The following EBF1 variants were observed in gnomAD, a reference collection of about 807,000 sequenced individuals.
The protein encoded by EBF1 is transcription factor COE1.
EBF1 carries 10 observed loss-of-function variants against 68.4 expected under a neutral mutation model. The observed-to-expected ratio is 0.15, with a 90% CI of 0.09 to 0.25. EBF1 has a LOEUF of 0.25. Among genes scored for constraint, EBF1 ranks in the 10% least tolerant of loss-of-function variants. The pLI is 1.00. For missense variants in EBF1, 509 were observed against 794.4 expected (o/e 0.64, Z 4.32); for synonymous variants, 298 against 299.8 (o/e 0.99, Z 0.06).
chr5:159,013,133 TA>T (rs1362860808), intron 6 of EBF1, among the ~76,000 whole-genome samples: 2 of 152,240 alleles, frequency 1.3e-5, no homozygotes, highest in Non-Finnish European at 2.9e-5. Flanking sequence ...TGCTAAGCTT[TA>T]AATATATATT....
At position 158,997,462 on chromosome 5, in the gene EBF1, G is replaced by A. The variant is rs146302724; in HGVS notation, c.554+75934C>T. On this transcript the variant is annotated intron_variant, in intron 6 of 15. Coordinates refer to ENST00000313708, the MANE Select transcript of EBF1 (RefSeq NM_024007.5). ...ACATACATAGAGTTGTTTATCCTCC[G>A]TCTACTCCTCAATTCCCCAAAATCC... Among the ~76,000 whole-genome samples, 840 of 152,162 alleles carry A rather than the reference G, an allele frequency of 5.5e-3. 4 individuals carry two copies. The highest frequency in any genetic ancestry group is 8.0e-3 in the Non-Finnish European group (544 of 68,002).
chr5:158,717,559 C>T (rs1050768300), intron 11 of EBF1, among the ~76,000 whole-genome samples: 24 of 152,050 alleles, frequency 1.6e-4, no homozygotes, highest in African/African-American at 3.6e-4. Context: ...ATGTTTAAAA[C>T]GTCTCCCTGC....
At chr5:158,816,997 C>T (rs1464573566) in intron 8 of EBF1, among the ~76,000 whole-genome samples, 1 of 152,132 alleles carries the variant, frequency 6.6e-6, no homozygotes, top group Non-Finnish European at 1.5e-5. Flanking sequence ...ATCTGAGGAG[C>T]CCATGTAATT....
chr5:158,737,266 A>ATTTTTGTTT (rs1765389349), intron 10 of EBF1, among the ~76,000 whole-genome samples: 1 of 55,600 alleles, frequency 1.8e-5, no homozygotes, highest in Non-Finnish European at 3.0e-5. Context: ...ACATGCCCTG[A>ATTTTTGTTT]TTTTTTTTTT....
chr5:158,949,460 A>G (rs1224005242), intron 6 of EBF1, among the ~76,000 whole-genome samples: 2 of 152,190 alleles, frequency 1.3e-5, no homozygotes, highest in Non-Finnish European at 2.9e-5. Flanking sequence ...TGAGACCCCC[A>G]TCTCTACAAA....
chr5:158,980,542 C>T (rs1413565820), intron 6 of EBF1, among the ~76,000 whole-genome samples: 2 of 152,104 alleles, frequency 1.3e-5, no homozygotes, highest in East Asian at 1.9e-4. Context: ...TTTAAGAAGT[C>T]GAGAGAACAT....
chr5:158,852,014 AGAGGG>A (rs1181175433), intron 6 of EBF1, among the ~76,000 whole-genome samples: 1 of 22,316 alleles, frequency 4.5e-5, no homozygotes, highest in Non-Finnish European at 8.1e-5. Context: ...GGAAGGGTGG[AGAGGG>A]GAGGGGAGGG....
chr5:158,739,255 T>G (rs1765810560), intron 10 of EBF1, among the ~76,000 whole-genome samples: 1 of 152,206 alleles, frequency 6.6e-6, no homozygotes, highest in Non-Finnish European at 1.5e-5. Context: ...CAGACCCCTT[T>G]CTTGCCCTGG....
At chr5:158,780,123 G>C (rs945726834) in intron 9 of EBF1, among the ~76,000 whole-genome samples, 11 of 152,176 alleles carry the variant, frequency 7.2e-5, no homozygotes, top group African/African-American at 2.7e-4. Flanking sequence ...GAAAGCACAG[G>C]CTTATTTACT....
chr5:159,016,814 C>G (rs1014353956), intron 6 of EBF1, among the ~76,000 whole-genome samples: 1 of 152,178 alleles, frequency 6.6e-6, no homozygotes, highest in Non-Finnish European at 1.5e-5. Flanking sequence ...AAAGACAGAC[C>G]TTTCTTGACC....
intron 6 of EBF1, among the ~76,000 whole-genome samples, chr5:158,958,524 C>T (rs151338626): frequency 6.6e-6 from 1 of 152,200 alleles, no homozygotes; most frequent in Admixed American, 6.5e-5. Flanking sequence ...CTTACTCAGT[C>T]AGGGAAGACT....
intron 6 of EBF1, among the ~76,000 whole-genome samples, chr5:159,011,479 AGAGT>A (rs892464005): frequency 8.5e-5 from 13 of 152,330 alleles, no homozygotes; most frequent in African/African-American, 3.1e-4. Flanking sequence ...CCTGAAATTA[AGAGT>A]GTGTTTGTGT....
intron 6 of EBF1, among the ~76,000 whole-genome samples, chr5:158,864,469 A>T (rs745451646): frequency 6.6e-6 from 1 of 152,160 alleles, no homozygotes; most frequent in African/African-American, 2.4e-5. Flanking sequence ...CACCCAAAGA[A>T]GGGATCCATT....
chr5:158,799,321 C>G (rs1413820371), intron 8 of EBF1, among the ~76,000 whole-genome samples: 1 of 152,034 alleles, frequency 6.6e-6, no homozygotes, highest in Non-Finnish European at 1.5e-5. Context: ...ACTGGGGAGG[C>G]TGAGGCAGAA....
chr5:158,792,955 C>T (rs1778941153), intron 9 of EBF1, among the ~76,000 whole-genome samples: 1 of 152,148 alleles, frequency 6.6e-6, no homozygotes, highest in Admixed American at 6.5e-5. Flanking sequence ...GACATCATGG[C>T]AATGTGAGCC....
intron 6 of EBF1, among the ~76,000 whole-genome samples, chr5:158,852,721 A>G (rs566846873): frequency 6.6e-6 from 1 of 152,356 alleles, no homozygotes; most frequent in South Asian, 2.1e-4. Context: ...CTGACACTTT[A>G]TTAAGCACTA....
intron 7 of EBF1, among the ~76,000 whole-genome samples, chr5:158,829,490 A>T (rs1786999890): frequency 2.0e-5 from 3 of 151,850 alleles, no homozygotes; most frequent in Non-Finnish European, 1.5e-5. Flanking sequence ...CGGCCCACAA[A>T]ACTATGGATT....
At chr5:158,936,547 G>T (rs1463010005) in intron 6 of EBF1, among the ~76,000 whole-genome samples, 1 of 152,204 alleles carries the variant, frequency 6.6e-6, no homozygotes, top group African/African-American at 2.4e-5. Flanking sequence ...CACACGGTAG[G>T]CTTCGTAGGC....
intron 10 of EBF1, among the ~76,000 whole-genome samples, chr5:158,756,977 GA>G (rs112061808): frequency 2.4e-3 from 300 of 124,802 alleles, no homozygotes; most frequent in Middle Eastern, 4.3e-3. Context: ...CCCTCATGCT[GA>G]AAAAAAAAAA....
Sources: gnomAD v4.1 joint callset for allele counts (sites outside exome capture counted in the v4.1 genomes callset) on GRCh38, gnomAD v4.1.1 for gene constraint, MANE v1.5 for transcripts, NCBI Gene and HGNC (gene_info 2026-07-23, HGNC 2026-07-21) for gene names.